CCDC149: variants seen among roughly 807,000 people sequenced by gnomAD.
The protein encoded by CCDC149 is coiled-coil domain containing 149.
Under a neutral mutation model 59.9 loss-of-function variants are expected in CCDC149, and 45 were observed. That is an observed-to-expected ratio of 0.75 (90% CI 0.59 to 0.96). The LOEUF (loss-of-function observed/expected upper bound fraction) is 0.96. Ranked by LOEUF, CCDC149 falls within the 40% of genes least tolerant of loss-of-function variation. CCDC149 has a pLI of 0.00. For synonymous variants in CCDC149, 245 were observed against 260.6 expected (o/e 0.94, Z 0.58); for missense variants, 584 against 664.7 (o/e 0.88, Z 1.33).
At chr4:24,976,044 G>T (rs1724178264) in intron 1 of CCDC149, among the ~76,000 whole-genome samples, 1 of 135,650 alleles carries the variant, frequency 7.4e-6, no homozygotes, top group Non-Finnish European at 1.6e-5. Flanking sequence ...AGGGAGGGGG[G>T]AAGGGAGGGA....
At chr4:24,893,098 G>A (rs1444809380) in intron 1 of CCDC149, among the ~76,000 whole-genome samples, 1 of 152,174 alleles carries the variant, frequency 6.6e-6, no homozygotes, top group Non-Finnish European at 1.5e-5. Flanking sequence ...TAGTAACACT[G>A]TCACGATGGC....
At chr4:24,963,076 A>G (rs1281623166) in intron 1 of CCDC149, among the ~76,000 whole-genome samples, 1 of 152,142 alleles carries the variant, frequency 6.6e-6, no homozygotes, top group Non-Finnish European at 1.5e-5. Context: ...CAATACTTTC[A>G]TTACTCCAGC....
chr4:24,863,834 T>C (rs1718523026), intron 3 of CCDC149, among the ~76,000 whole-genome samples: 1 of 152,252 alleles, frequency 6.6e-6, no homozygotes, highest in African/African-American at 2.4e-5. Flanking sequence ...AGGAAAGTTT[T>C]AGGCTATTAG....
At chr4:24,908,957 G>C (rs1309300728) in intron 1 of CCDC149, among the ~76,000 whole-genome samples, 1 of 152,192 alleles carries the variant, frequency 6.6e-6, no homozygotes, top group African/African-American at 2.4e-5. Flanking sequence ...ACTTTGAGAT[G>C]TCTCCAATCT....
At chr4:24,880,316 C>T (rs934437442) in intron 1 of CCDC149, among the ~76,000 whole-genome samples, 6 of 152,236 alleles carry the variant, frequency 3.9e-5, no homozygotes, top group Admixed American at 1.3e-4. Flanking sequence ...GCATGCAGTA[C>T]GCTGTGCCAT....
chr4:24,944,933 C>T (rs1464342855), intron 1 of CCDC149, among the ~76,000 whole-genome samples: 2 of 152,132 alleles, frequency 1.3e-5, no homozygotes, highest in Non-Finnish European at 2.9e-5. Context: ...CTTCAGAGTC[C>T]AGCCCCTACT....
chr4:24,852,554 A>G (rs1230409118), intron 4 of CCDC149, among the ~76,000 whole-genome samples: 3 of 152,314 alleles, frequency 2.0e-5, no homozygotes, highest in Middle Eastern at 3.4e-3. Flanking sequence ...TTCATATTTT[A>G]TAATTAACGT....
At chr4:24,901,814 C>G (rs1222241612) in intron 1 of CCDC149, among the ~76,000 whole-genome samples, 1 of 152,178 alleles carries the variant, frequency 6.6e-6, no homozygotes, top group Non-Finnish European at 1.5e-5. Context: ...CAGCAAGGGC[C>G]ATCTTGGACT....
At chr4:24,956,225 AAACTACAC>A (rs1723461763) in intron 1 of CCDC149, among the ~76,000 whole-genome samples, 2 of 9,678 alleles carry the variant, frequency 2.1e-4, no homozygotes, top group African/African-American at 1.1e-3. Flanking sequence ...TAGTTAACAC[AAACTACAC>A]AAACTAACCC....
At position 24,947,797 on chromosome 4, in the gene CCDC149, A is replaced by C. The variant is rs1012208226; in HGVS notation, c.-65+32272T>G. Among the ~76,000 whole-genome samples the C allele has an allele frequency of 6.6e-5, 10 of 151,574 alleles. No homozygotes were observed. The South Asian group carries it at 8.3e-4, about 13-fold the overall frequency. On this transcript the variant is annotated intron_variant, in intron 1 of 12. Coordinates refer to the CCDC149 transcript ENST00000389609. ...CCAAGATTCAATCTGAGTTTAGAAA[A>C]TTCATTACAATGAAAAAAGAAGGAG...
intron 1 of CCDC149, among the ~76,000 whole-genome samples, chr4:24,944,567 A>C (rs1229631392): frequency 6.6e-6 from 1 of 151,794 alleles, no homozygotes; most frequent in African/African-American, 2.4e-5. Flanking sequence ...AAAAAGACTT[A>C]AAAAATAAAT....
At chr4:24,932,063 G>A (rs970624519) in intron 1 of CCDC149, among the ~76,000 whole-genome samples, 9 of 151,708 alleles carry the variant, frequency 5.9e-5, no homozygotes, top group African/African-American at 2.2e-4. Flanking sequence ...GTTCTAACAG[G>A]ATTCTAGCAC....
chr4:24,891,681 C>T (rs907240470), intron 1 of CCDC149, among the ~76,000 whole-genome samples: 4 of 152,144 alleles, frequency 2.6e-5, no homozygotes, highest in Non-Finnish European at 4.4e-5. Context: ...CAGGTAAGCT[C>T]GAGGTTTGGG....
At chr4:24,904,428 A>C (rs1374844372) in intron 1 of CCDC149, among the ~76,000 whole-genome samples, 1 of 152,188 alleles carries the variant, frequency 6.6e-6, no homozygotes, top group Non-Finnish European at 1.5e-5. Context: ...AAGGAGCAGT[A>C]CGTTTGCTGC....
intron 10 of CCDC149, among the ~76,000 whole-genome samples, chr4:24,821,588 T>C (rs1577381446): frequency 6.6e-6 from 1 of 152,260 alleles, no homozygotes; most frequent in African/African-American, 2.4e-5. Context: ...AAATGTGTTG[T>C]TGTCCACCTG....
At chr4:24,881,128 A>C (rs1399904567) in intron 1 of CCDC149, among the ~76,000 whole-genome samples, 2 of 152,208 alleles carry the variant, frequency 1.3e-5, no homozygotes, top group Non-Finnish European at 2.9e-5. Context: ...CTGGACAGTC[A>C]CTTGGTGGGA....
chr4:24,949,914 C>T (rs1194335641), intron 1 of CCDC149, among the ~76,000 whole-genome samples: 1 of 152,158 alleles, frequency 6.6e-6, no homozygotes, highest in African/African-American at 2.4e-5. Context: ...GCTTTAGGAA[C>T]CTGCAGGTGC....
intron 2 of CCDC149, 47 bp from the exon 3 acceptor site, chr4:24,873,766 G>A: frequency 6.9e-7 from 1 of 1,451,130 alleles, no homozygotes; most frequent in Non-Finnish European, 9.7e-7. Flanking sequence ...AAAAATAGAT[G>A]TACTTAGAAA....
At chr4:24,821,879 C>CT (rs1715425041) in intron 10 of CCDC149, among the ~76,000 whole-genome samples, 1 of 151,888 alleles carries the variant, frequency 6.6e-6, no homozygotes, top group African/African-American at 2.4e-5. Context: ...CAGTGTACAA[C>CT]TGGAAAAAAA....
Sources: allele counts gnomAD v4.1 joint callset (sites outside exome capture counted in the v4.1 genomes callset), GRCh38; gene constraint gnomAD v4.1.1; transcripts MANE v1.5; gene names NCBI Gene and HGNC (gene_info 2026-07-23, HGNC 2026-07-21).